RBFOX1: variants seen among roughly 807,000 people sequenced by gnomAD.
RBFOX1 encodes the protein RNA binding fox-1 homolog 1, also known as RNA binding protein fox-1 homolog 1.
Under a neutral mutation model 57.7 loss-of-function variants are expected in RBFOX1, and 8 were observed. The observed-to-expected ratio is 0.14, with a 90% CI of 0.08 to 0.25. RBFOX1 has a LOEUF of 0.25. Among genes scored for constraint, RBFOX1 ranks in the 10% least tolerant of loss-of-function variants. The pLI, the probability that RBFOX1 is intolerant of heterozygous loss-of-function variation, is 1.00. For missense variants in RBFOX1, 611 were observed against 548.5 expected (o/e 1.11, Z -1.14); for synonymous variants, 326 against 222.4 (o/e 1.47, Z -4.15).
At chr16:7,133,039 G>A (rs994620193) in intron 4 of RBFOX1, among the ~76,000 whole-genome samples, 6 of 152,076 alleles carry the variant, frequency 3.9e-5, no homozygotes, top group East Asian at 1.9e-4. Context: ...TAAATCATGT[G>A]CCTTGGTATT....
In RBFOX1 at chr16:6,350,444, G is replaced by GAAA. The variant is rs569363563; in HGVS notation, c.-64+33440_-64+33442dup. Among the ~76,000 whole-genome samples, 4 of 74,618 alleles carry GAAA rather than the reference G, an allele frequency of 5.4e-5. 1 individual carries two copies. The highest frequency in any genetic ancestry group is 1.6e-4 in the Admixed American group (1 of 6,110). The allele number at this position is 74,618 out of a possible 152,430, so 49.0% of individuals were successfully genotyped here. A position where few individuals can be genotyped will look rare whatever the true frequency, so the allele number is the denominator to read the frequency against. On this transcript the variant is annotated intron_variant, in intron 2 of 15. Transcript: ENST00000550418. ...CAACAAGAGTGAAACTCTGTCTCAA[G>GAAA]AAAAAAAAAAAAAAAAAAAAAAAAA... is the stretch of plus-strand genomic sequence containing the variant.
At chr16:5,599,836 G>C (rs1480220203) in exon 3 of RBFOX1, 1 of 152,784 alleles carries the variant, frequency 6.5e-6, no homozygotes, top group Non-Finnish European at 1.5e-5. Context: ...CATTGTGATA[G>C]TGGTAAGTGA....
intron 3 of RBFOX1, among the ~76,000 whole-genome samples, chr16:5,613,871 T>G (rs183530159): frequency 2.6e-5 from 4 of 152,156 alleles, no homozygotes; most frequent in African/African-American, 9.6e-5. Flanking sequence ...GAAGTCCCTC[T>G]TTCTTCTCTG....
intron 3 of RBFOX1, among the ~76,000 whole-genome samples, chr16:6,760,547 A>G (rs2076456658): frequency 1.3e-5 from 2 of 152,196 alleles, no homozygotes; most frequent in African/African-American, 4.8e-5. Context: ...TGCTTTTGGA[A>G]GGAATTGTTA....
At chr16:6,967,311 C>T (rs547405463) in intron 3 of RBFOX1, among the ~76,000 whole-genome samples, 8 of 152,262 alleles carry the variant, frequency 5.3e-5, no homozygotes, top group African/African-American at 2.4e-5. Context: ...ATGTATGGAT[C>T]TGTCTATACA....
intron 4 of RBFOX1, among the ~76,000 whole-genome samples, chr16:7,170,190 G>A (rs2080406585): frequency 6.6e-6 from 1 of 152,196 alleles, no homozygotes; most frequent in African/African-American, 2.4e-5. Context: ...AGAAACTGTA[G>A]CATGATGACC....
intron 1 of RBFOX1, among the ~76,000 whole-genome samples, chr16:6,218,759 G>A (rs888854492): frequency 2.0e-5 from 3 of 151,924 alleles, no homozygotes; most frequent in Non-Finnish European, 2.9e-5. Flanking sequence ...ACTGGTTCCC[G>A]GTCTCCTTCT....
intron 2 of RBFOX1, among the ~76,000 whole-genome samples, chr16:6,476,415 A>G (rs1313533330): frequency 6.6e-6 from 1 of 152,230 alleles, no homozygotes; most frequent in Non-Finnish European, 1.5e-5. Flanking sequence ...AGTAAATATC[A>G]TAATAGAGGG....
At chr16:7,015,275 G>A (rs914022962) in intron 3 of RBFOX1, among the ~76,000 whole-genome samples, 1 of 152,152 alleles carries the variant, frequency 6.6e-6, no homozygotes. Context: ...GCCTGGGACT[G>A]CAAATCAGAA....
chr16:7,586,489 C>A (rs754322213), intron 6 of RBFOX1, among the ~76,000 whole-genome samples: 2 of 152,078 alleles, frequency 1.3e-5, no homozygotes, highest in Non-Finnish European at 2.9e-5. Context: ...AAATAAACCA[C>A]AAGTATTAAG....
At chr16:6,472,557 C>T (rs1417566676) in intron 2 of RBFOX1, among the ~76,000 whole-genome samples, 1 of 152,062 alleles carries the variant, frequency 6.6e-6, no homozygotes, top group Non-Finnish European at 1.5e-5. Flanking sequence ...AAGTGTGAGT[C>T]ATCATCTCTC....
At chr16:6,611,662 T>C (rs912553087) in intron 2 of RBFOX1, among the ~76,000 whole-genome samples, 2 of 152,208 alleles carry the variant, frequency 1.3e-5, no homozygotes, top group African/African-American at 4.8e-5. Flanking sequence ...CTTTGTGCTT[T>C]ATCAGAGCAA....
intron 2 of RBFOX1, among the ~76,000 whole-genome samples, chr16:5,541,157 G>T (rs1043724561): frequency 7.2e-5 from 11 of 152,084 alleles, no homozygotes; most frequent in Admixed American, 6.6e-4. Context: ...GCCTGAATCT[G>T]CATTTTTAAG....
intron 4 of RBFOX1, among the ~76,000 whole-genome samples, chr16:5,987,311 A>G (rs1249403477): frequency 6.6e-6 from 1 of 152,116 alleles, no homozygotes; most frequent in African/African-American, 2.4e-5. Context: ...GTGGTTTACA[A>G]ATATTTTCCC....
At chr16:5,943,855 A>T (rs2059331698) in intron 4 of RBFOX1, among the ~76,000 whole-genome samples, 1 of 151,508 alleles carries the variant, frequency 6.6e-6, no homozygotes, top group Non-Finnish European at 1.5e-5. Context: ...CCACCTATTC[A>T]TCCACTCATC....
chr16:6,176,776 A>G (rs972218109), intron 1 of RBFOX1, among the ~76,000 whole-genome samples: 3 of 152,066 alleles, frequency 2.0e-5, no homozygotes, highest in South Asian at 2.1e-4. Flanking sequence ...AATTTTCTTA[A>G]TAAGTGGAGA....
chr16:7,707,348 G>A (rs764478168), intron 14 of RBFOX1, among the ~76,000 whole-genome samples: 5 of 152,024 alleles, frequency 3.3e-5, no homozygotes, highest in African/African-American at 4.8e-5. Flanking sequence ...GTATTGGATT[G>A]GTATCACTTA....
At chr16:7,224,542 A>C (rs550892190) in intron 4 of RBFOX1, among the ~76,000 whole-genome samples, 30 of 152,272 alleles carry the variant, frequency 2.0e-4, no homozygotes, top group Admixed American at 1.8e-3. Context: ...AACTAGTAAA[A>C]TCAGAGGGAG....
intron 4 of RBFOX1, among the ~76,000 whole-genome samples, chr16:7,399,197 C>A (rs561483264): frequency 6.6e-6 from 1 of 152,192 alleles, no homozygotes; most frequent in South Asian, 2.1e-4. Flanking sequence ...CCTGTTATCC[C>A]AACATTTTGG....
Sources: gnomAD v4.1 joint callset for allele counts (sites outside exome capture counted in the v4.1 genomes callset) on GRCh38, gnomAD v4.1.1 for gene constraint, MANE v1.5 for transcripts, NCBI Gene and HGNC (gene_info 2026-07-23, HGNC 2026-07-21) for gene names.